GRIK2: variants seen among roughly 807,000 people sequenced by gnomAD.
The protein encoded by GRIK2 is glutamate receptor ionotropic, kainate 2.
In GRIK2, 32 loss-of-function variants were observed where a neutral mutation model predicts 100.3. That is an observed-to-expected ratio of 0.32 (90% CI 0.24 to 0.43). The LOEUF (loss-of-function observed/expected upper bound fraction) is 0.43, where lower values mean the gene tolerates loss of function less well. Ranked by LOEUF, GRIK2 falls within the 20% of genes least tolerant of loss-of-function variation. GRIK2 has a pLI of 1.00. For synonymous variants in GRIK2, 417 were observed against 389.4 expected (o/e 1.07, Z -0.83); for missense variants, 843 against 1,114.9 (o/e 0.76, Z 3.47).
At chr6:101,756,448 G>GGTTACATTTATAATCTA (rs1777145193) in intron 7 of GRIK2, among the ~76,000 whole-genome samples, 2 of 79,430 alleles carry the variant, frequency 2.5e-5, no homozygotes, top group Non-Finnish European at 2.2e-5. Flanking sequence ...TTTATAATCT[G>GGTTACATTTATAATCTA]AAAATAATCT....
chr6:101,777,967 A>G (rs1778854992), intron 7 of GRIK2, among the ~76,000 whole-genome samples: 1 of 152,180 alleles, frequency 6.6e-6, no homozygotes, highest in South Asian at 2.1e-4. Flanking sequence ...GCTAAATGGC[A>G]AAGTGTGATT....
intron 12 of GRIK2, chr6:101,891,515 TCAAAA>T (rs1356169952): frequency 3.6e-6 from 1 of 274,190 alleles, no homozygotes; most frequent in African/African-American, 5.3e-5. Flanking sequence ...GGACTCCATC[TCAAAA>T]AAAAAAAAAA....
chr6:102,068,289 T>C (rs1428007396), intron 16 of GRIK2, 58 bp from the exon 17 acceptor site: 1 of 1,259,194 alleles, frequency 7.9e-7, no homozygotes, highest in Non-Finnish European at 1.1e-6. Flanking sequence ...AATATTGATC[T>C]TGGACAGTTA....
At chr6:101,525,952 G>A (rs576813352) in intron 2 of GRIK2, among the ~76,000 whole-genome samples, 2 of 152,330 alleles carry the variant, frequency 1.3e-5, no homozygotes, top group East Asian at 3.9e-4. Flanking sequence ...TGTAGAAGGT[G>A]TGACAGGGTG....
chr6:101,666,117 A>G (rs1258428103), intron 4 of GRIK2, among the ~76,000 whole-genome samples: 1 of 152,162 alleles, frequency 6.6e-6, no homozygotes, highest in East Asian at 1.9e-4. Context: ...CTCAAGTTTG[A>G]TAATTTGCTA....
Position 101,836,659 on chromosome 6 carries a change from A to ATTTTTTTTT in GRIK2, c.1317+18177_1317+18178insTTTTTTTTT, listed in dbSNP as rs1239661989. On this transcript the variant is annotated intron_variant, in intron 10 of 16. Transcript: ENST00000369134. Reference sequence around the variant, plus strand: ...TATGTATGTGTATATATATATATATATATTTTTTTTTTTTTTTTTTTTTTG... The same window carrying ATTTTTTTTT: ...TATGTATGTGTATATATATATATATATTTTTTTTTTATTTTTTTTTTTTTTTTTTTTTTG... Among the ~76,000 whole-genome samples the ATTTTTTTTT allele has an allele frequency of 7.6e-4, 46 of 60,220 alleles. 3 individuals carry two copies. Among genetic ancestry groups the ATTTTTTTTT allele is most frequent in the Non-Finnish European group, 1.2e-3 (37 of 30,766 alleles). 39.5% of individuals were successfully genotyped at this position (60,220 alleles called of 152,430 possible). A position where few individuals can be genotyped will look rare whatever the true frequency, so the allele number is the denominator to read the frequency against.
intron 7 of GRIK2, among the ~76,000 whole-genome samples, chr6:101,776,007 A>T (rs1778725795): frequency 6.6e-6 from 1 of 152,176 alleles, no homozygotes; most frequent in African/African-American, 2.4e-5. Flanking sequence ...AACATAAGTC[A>T]TAAGCAGATT....
intron 7 of GRIK2, among the ~76,000 whole-genome samples, chr6:101,734,781 T>A (rs1298584823): frequency 6.6e-6 from 1 of 152,126 alleles, no homozygotes; most frequent in East Asian, 1.9e-4. Context: ...GGTAATCTGA[T>A]TACTATTATT....
chr6:102,023,244 G>T (rs1212082262), intron 14 of GRIK2, among the ~76,000 whole-genome samples: 1 of 151,330 alleles, frequency 6.6e-6, no homozygotes, highest in Non-Finnish European at 1.5e-5. Context: ...AAGAGAGAAA[G>T]TATGGCAACT....
chr6:101,881,333 G>T (rs1786228019), intron 11 of GRIK2, among the ~76,000 whole-genome samples: 1 of 151,690 alleles, frequency 6.6e-6, no homozygotes, highest in Non-Finnish European at 1.5e-5. Context: ...CACTTAAATT[G>T]TGATTTCAAA....
intron 14 of GRIK2, among the ~76,000 whole-genome samples, chr6:102,011,375 T>G (rs1795522239): frequency 6.6e-6 from 1 of 152,082 alleles, no homozygotes; most frequent in Non-Finnish European, 1.5e-5. Flanking sequence ...ATCTCTCCAT[T>G]TTTAAAATGC....
intron 2 of GRIK2, among the ~76,000 whole-genome samples, chr6:101,619,900 C>T (rs187075952): frequency 2.4e-3 from 368 of 152,188 alleles, no homozygotes; most frequent in South Asian, 4.6e-3. Flanking sequence ...CACTTGATAG[C>T]TATGTGATCT....
At chr6:101,657,886 G>A (rs1196760927) in intron 4 of GRIK2, among the ~76,000 whole-genome samples, 1 of 151,964 alleles carries the variant, frequency 6.6e-6, no homozygotes, top group African/African-American at 2.4e-5. Context: ...TCTAGGATGA[G>A]GGGGAGTATA....
chr6:101,649,058 G>A (rs1781663428), intron 4 of GRIK2, among the ~76,000 whole-genome samples: 1 of 152,058 alleles, frequency 6.6e-6, no homozygotes, highest in African/African-American at 2.4e-5. Context: ...GACACGTGGA[G>A]ATTATTACAA....
In GRIK2 at chr6:102,068,817, G is replaced by C. The variant is rs1215358295; in HGVS notation, c.*306G>C. The C allele has an allele frequency of 1.5e-5, 3 of 202,728 alleles. No individual in the cohort carries two copies. Among genetic ancestry groups the C allele is most frequent in the African/African-American group, 4.7e-5 (2 of 42,894 alleles). 12.6% of individuals were successfully genotyped at this position (202,728 alleles called of 1,614,324 possible). A position where few individuals can be genotyped will look rare whatever the true frequency, so the allele number is the denominator to read the frequency against. Reference sequence around the variant, plus strand: ...AATGCAGTCCAGTGAGAAATTACAGGTTCCTTTTGAAGCTCAACTGTTGCC... The same window carrying C: ...AATGCAGTCCAGTGAGAAATTACAGCTTCCTTTTGAAGCTCAACTGTTGCC... On this transcript the variant is annotated 3_prime_UTR_variant, in exon 17 of 17. Coordinates refer to ENST00000369134, the MANE Select transcript of GRIK2 (RefSeq NM_021956.5).
At chr6:102,007,249 C>A (rs1457968798) in intron 14 of GRIK2, among the ~76,000 whole-genome samples, 1 of 151,918 alleles carries the variant, frequency 6.6e-6, no homozygotes, top group Non-Finnish European at 1.5e-5. Flanking sequence ...TAAGAAAATA[C>A]ATTTTGAGAA....
At chr6:101,762,708 C>G (rs2128392832) in intron 7 of GRIK2, among the ~76,000 whole-genome samples, 1 of 152,204 alleles carries the variant, frequency 6.6e-6, no homozygotes, top group East Asian at 1.9e-4. Context: ...AAGTACGTGC[C>G]TTGACAGGAT....
chr6:101,656,453 T>C (rs770086214), intron 4 of GRIK2, among the ~76,000 whole-genome samples: 11 of 152,164 alleles, frequency 7.2e-5, no homozygotes, highest in South Asian at 2.1e-4. Flanking sequence ...TGATTTATGC[T>C]TAAATACAAG....
intron 14 of GRIK2, among the ~76,000 whole-genome samples, chr6:101,972,654 G>A (rs1219351810): frequency 6.6e-6 from 1 of 151,754 alleles, no homozygotes; most frequent in African/African-American, 2.4e-5. Flanking sequence ...GTCAAGAAGA[G>A]TATTTCCTAG....
Sources: allele counts gnomAD v4.1 joint callset (sites outside exome capture counted in the v4.1 genomes callset), GRCh38; gene constraint gnomAD v4.1.1; transcripts MANE v1.5; gene names NCBI Gene and HGNC (gene_info 2026-07-23, HGNC 2026-07-21).